The following PCDH15 variants were observed in gnomAD, a reference collection of about 807,000 sequenced individuals.
PCDH15 encodes protocadherin-15.
Under a neutral mutation model 178.5 loss-of-function variants are expected in PCDH15, and 129 were observed. That is an observed-to-expected ratio of 0.72 (90% confidence interval 0.63 to 0.84). The LOEUF (loss-of-function observed/expected upper bound fraction) is 0.84, where lower values mean the gene tolerates loss of function less well. Among genes scored for constraint, PCDH15 ranks in the 40% least tolerant of loss-of-function variants. The probability of loss-of-function intolerance (pLI) is 0.00; values close to 1 mark genes in which losing one functional copy is unlikely to be tolerated. For missense variants in PCDH15, 2,230 were observed against 2,099.9 expected (o/e 1.06, Z -1.21); for synonymous variants, 800 against 732.0 (o/e 1.09, Z -1.50).
At chr10:53,883,904 C>T (rs575494612) in intron 26 of PCDH15, among the ~76,000 whole-genome samples, 3 of 152,030 alleles carry the variant, frequency 2.0e-5, no homozygotes, top group African/African-American at 4.8e-5. Flanking sequence ...TTAGTAGAGA[C>T]GGGCTTTCAC....
chr10:54,030,029 A>G (rs2093245720), intron 18 of PCDH15, among the ~76,000 whole-genome samples: 2 of 152,294 alleles, frequency 1.3e-5, no homozygotes, highest in South Asian at 4.1e-4. Context: ...TATGTCAAAT[A>G]TCCATTCAGA....
At chr10:53,957,776 C>G (rs1359764425) in intron 23 of PCDH15, among the ~76,000 whole-genome samples, 1 of 151,130 alleles carries the variant, frequency 6.6e-6, no homozygotes, top group African/African-American at 2.5e-5. Flanking sequence ...TATTCCATAG[C>G]AAAGAATTGG....
chr10:55,444,051 A>G (rs1300962493), intron 2 of PCDH15, among the ~76,000 whole-genome samples: 2 of 151,518 alleles, frequency 1.3e-5, no homozygotes, highest in East Asian at 3.9e-4. Flanking sequence ...ATCAAACACC[A>G]TATGTCCTCA....
intron 3 of PCDH15, among the ~76,000 whole-genome samples, chr10:54,864,967 T>C (rs571296848): frequency 8.5e-5 from 13 of 152,272 alleles, no homozygotes; most frequent in Middle Eastern, 3.4e-3. Context: ...TACCAGAACA[T>C]AGAGATCATA....
At chr10:54,851,182 G>A (rs1020828505) in intron 3 of PCDH15, among the ~76,000 whole-genome samples, 4 of 151,894 alleles carry the variant, frequency 2.6e-5, no homozygotes, top group African/African-American at 9.7e-5. Flanking sequence ...TCTCCACAAC[G>A]TAATCATTAC....
chr10:54,598,831 C>T (rs2134041778), intron 2 of PCDH15, among the ~76,000 whole-genome samples: 1 of 152,148 alleles, frequency 6.6e-6, no homozygotes, highest in African/African-American at 2.4e-5. Context: ...ACATCAACAA[C>T]AGCCAAGCTG....
At chr10:55,162,486 A>C (rs1839092049) in intron 2 of PCDH15, among the ~76,000 whole-genome samples, 1 of 152,206 alleles carries the variant, frequency 6.6e-6, no homozygotes, top group African/African-American at 2.4e-5. Context: ...AAATTATGAC[A>C]GTGAAAGAGA....
chr10:53,967,027 T>C (rs2089105867), intron 21 of PCDH15, among the ~76,000 whole-genome samples: 4 of 152,082 alleles, frequency 2.6e-5, no homozygotes, highest in Admixed American at 2.6e-4. Flanking sequence ...AGGCTTGATA[T>C]GGTTTGGCTT....
At position 54,373,048 on chromosome 10, in the gene PCDH15, TG is replaced by T. The variant is rs1179465034; in HGVS notation, c.319-3774del. ...AAATATAAAATAGAAATTTTTGTTATGAATTTCTCAATCATTTAGGATTCAA... is the reference window on the plus strand; with the variant it reads ...AAATATAAAATAGAAATTTTTGTTATAATTTCTCAATCATTTAGGATTCAA... On this transcript the variant is annotated intron_variant, in intron 4 of 37. Coordinates refer to ENST00000644397, the MANE Select transcript of PCDH15 (RefSeq NM_001384140.1). Among the ~76,000 whole-genome samples, 18 of 152,062 alleles carry T rather than the reference TG, an allele frequency of 1.2e-4. No homozygotes were observed. In the East Asian group the frequency reaches 2.9e-3, roughly 24 times the overall value.
rs932581542 is a variant in PCDH15 at position 53,805,104 on chromosome 10, T to G, written c.*1475A>C. ...TTTATGTCAGTACAATTCATTCACT[T>G]TGGAAATGAGGAAATAGCATAATAA... On this transcript the variant is annotated 3_prime_UTR_variant, in exon 38 of 38. Transcript: ENST00000644397. 1 of 152,036 alleles carries G rather than the reference T, an allele frequency of 6.6e-6. No individual in the cohort carries two copies. The highest frequency in any genetic ancestry group is 2.4e-5 in the African/African-American group (1 of 41,442). The allele number at this position is 152,036 out of a possible 1,614,324, so 9.4% of individuals were successfully genotyped here. A position where few individuals can be genotyped will look rare whatever the true frequency, so the allele number is the denominator to read the frequency against.
intron 2 of PCDH15, among the ~76,000 whole-genome samples, chr10:55,523,871 T>A (rs933860145): frequency 6.6e-6 from 1 of 151,578 alleles, no homozygotes; most frequent in African/African-American, 2.4e-5. Context: ...GATAGTAATG[T>A]CATCTCCTGT....
chr10:55,222,298 T>C (rs1840899504), intron 1 of PCDH15, among the ~76,000 whole-genome samples: 1 of 152,156 alleles, frequency 6.6e-6, no homozygotes, highest in African/African-American at 2.4e-5. Context: ...GTGATAGTCA[T>C]ATTCTGTAAC....
At chr10:54,317,986 A>G (rs964905548) in intron 7 of PCDH15, among the ~76,000 whole-genome samples, 1 of 152,160 alleles carries the variant, frequency 6.6e-6, no homozygotes, top group Admixed American at 6.5e-5. Flanking sequence ...AGTTCACATT[A>G]CTAGACAGCC....
intron 14 of PCDH15, among the ~76,000 whole-genome samples, chr10:54,135,134 C>T (rs969960209): frequency 9.3e-5 from 14 of 150,330 alleles, no homozygotes; most frequent in African/African-American, 2.7e-4. Context: ...ACCCGGGAGA[C>T]GGAGGTTGTA....
At chr10:54,234,711 A>C (rs1305049449) in intron 9 of PCDH15, among the ~76,000 whole-genome samples, 1 of 152,184 alleles carries the variant, frequency 6.6e-6, no homozygotes, top group Non-Finnish European at 1.5e-5. Context: ...CCTTCTAAAA[A>C]TGTAAATAGT....
chr10:54,779,488 G>GTATATATATATACACATATATGTGTGTA (rs1555192845), intron 1 of PCDH15, among the ~76,000 whole-genome samples: 4 of 53,290 alleles, frequency 7.5e-5, no homozygotes, highest in Admixed American at 3.9e-4. Context: ...ACATATATAT[G>GTATATATATATACACATATATGTGTGTA]TATATATATA....
intron 2 of PCDH15, among the ~76,000 whole-genome samples, chr10:54,588,997 G>T (rs912642612): frequency 1.3e-5 from 2 of 152,238 alleles, no homozygotes; most frequent in African/African-American, 4.8e-5. Context: ...AATAGAATTT[G>T]TGTCTGTCTT....
intron 2 of PCDH15, among the ~76,000 whole-genome samples, chr10:55,084,579 C>T (rs114976962): frequency 0.041 from 6,138 of 151,504 alleles, 294 homozygotes; most frequent in East Asian, 0.14. Flanking sequence ...ACAAATGGGA[C>T]CACATTAAGT....
At chr10:53,954,002 G>A (rs959502218) in intron 23 of PCDH15, among the ~76,000 whole-genome samples, 1 of 152,124 alleles carries the variant, frequency 6.6e-6, no homozygotes, top group African/African-American at 2.4e-5. Flanking sequence ...GTGTTAGCCA[G>A]GATGGTCTCA....
Sources: gnomAD v4.1 joint callset for allele counts (sites outside exome capture counted in the v4.1 genomes callset) on GRCh38, gnomAD v4.1.1 for gene constraint, MANE v1.5 for transcripts, NCBI Gene and HGNC (gene_info 2026-07-23, HGNC 2026-07-21) for gene names.